Variants in NHEJ1 observed in about 807,000 individuals in gnomAD.
NHEJ1 encodes non-homologous end-joining factor 1.
In NHEJ1, 22 loss-of-function variants were observed where a neutral mutation model predicts 39.4. The ratio of observed to expected loss-of-function variants is 0.56; its 90% CI spans 0.40 to 0.80. The LOEUF is 0.80. Among genes scored for constraint, NHEJ1 ranks in the 30% least tolerant of loss-of-function variants. The pLI is 0.00. For synonymous variants in NHEJ1, 154 were observed against 135.6 expected (o/e 1.14, Z -0.94); for missense variants, 329 against 357.1 (o/e 0.92, Z 0.63).
chr2:219,160,262 G>A (rs1364479567), intron 1 of NHEJ1, among the ~76,000 whole-genome samples: 1 of 152,178 alleles, frequency 6.6e-6, no homozygotes, highest in Non-Finnish European at 1.5e-5. Flanking sequence ...GGCAGTAGAG[G>A]CCCAGAGAGC....
At chr2:219,081,885 G>A (rs979460668) in intron 5 of NHEJ1, among the ~76,000 whole-genome samples, 1 of 152,204 alleles carries the variant, frequency 6.6e-6, no homozygotes, top group Admixed American at 6.5e-5. Flanking sequence ...GTGAAGACAG[G>A]GTATGTGGAT....
intron 3 of NHEJ1, among the ~76,000 whole-genome samples, chr2:219,153,568 G>A (rs11684596): frequency 0.5 from 76,097 of 151,978 alleles, 21,311 homozygotes; most frequent in Non-Finnish European, 0.63. Context: ...GGCCAAGCAC[G>A]GAGGCTTACG....
At position 219,081,709 on chromosome 2, in the gene NHEJ1, T is replaced by C. The variant is rs1328651568; in HGVS notation, c.589-3503A>G. ...ATATGTTGTTTTGTTTTTCAAGTGA[T>C]TTGCTCTAACAGAATTCTCAACAAA... On this transcript the variant is annotated intron_variant, in intron 5 of 7. Coordinates refer to ENST00000356853, the MANE Select transcript of NHEJ1 (RefSeq NM_024782.3). Among the ~76,000 whole-genome samples, 46 of 152,286 alleles carry C rather than the reference T, an allele frequency of 3.0e-4. 1 individual carries two copies. Among genetic ancestry groups the C allele is most frequent in the Admixed American group, 3.0e-3 (46 of 15,300 alleles).
intron 3 of NHEJ1, among the ~76,000 whole-genome samples, chr2:219,155,768 A>T (rs1397356711): frequency 6.7e-6 from 1 of 150,370 alleles, no homozygotes; most frequent in Non-Finnish European, 1.5e-5. Context: ...TAAAAAATAC[A>T]ACAAAAATTA....
At chr2:219,128,664 G>C (rs557924279) in intron 5 of NHEJ1, among the ~76,000 whole-genome samples, 27 of 152,266 alleles carry the variant, frequency 1.8e-4, no homozygotes, top group Middle Eastern at 3.4e-3. Context: ...AACAAGAGCT[G>C]CAAGAAGCCT....
At chr2:219,132,313 G>A (rs992976685) in intron 5 of NHEJ1, among the ~76,000 whole-genome samples, 1 of 152,150 alleles carries the variant, frequency 6.6e-6, no homozygotes, top group Non-Finnish European at 1.5e-5. Flanking sequence ...TTTAGGGGGG[G>A]ATACTCTGCT....
chr2:219,133,071 A>C lies in NHEJ1; in HGVS notation c.588+13609T>G, dbSNP rs1411416882. Among the ~76,000 whole-genome samples, 4 of 152,198 alleles carry C rather than the reference A, an allele frequency of 2.6e-5. No homozygotes were observed. The South Asian group carries it at 6.2e-4, about 24-fold the overall frequency. ...ACTGAATGAAAAAAATTCTTCTGGG[A>C]CCTTCTGGCAATTTCTCCCTTCATA... On this transcript the variant is annotated intron_variant, in intron 5 of 7. Coordinates refer to ENST00000356853, the MANE Select transcript of NHEJ1 (RefSeq NM_024782.3).
At chr2:219,135,564 A>G (rs1373496226) in intron 5 of NHEJ1, among the ~76,000 whole-genome samples, 1 of 152,106 alleles carries the variant, frequency 6.6e-6, no homozygotes, top group Non-Finnish European at 1.5e-5. Context: ...AGCCGAGATC[A>G]CCCCACTGCA....
chr2:219,079,229 G>A (rs1949041587), intron 5 of NHEJ1, among the ~76,000 whole-genome samples: 2 of 152,150 alleles, frequency 1.3e-5, no homozygotes, highest in Non-Finnish European at 2.9e-5. Flanking sequence ...CTTGGAAAGG[G>A]CCCAGAACTA....
At chr2:219,105,893 T>C (rs188870904) in intron 5 of NHEJ1, among the ~76,000 whole-genome samples, 4 of 152,358 alleles carry the variant, frequency 2.6e-5, no homozygotes, top group South Asian at 4.1e-4. Flanking sequence ...TATTTACATG[T>C]CCAATTCTTC....
chr2:219,084,866 G>A (rs79226510), intron 5 of NHEJ1, among the ~76,000 whole-genome samples: 2,934 of 152,230 alleles, frequency 0.019, 110 homozygotes, highest in African/African-American at 0.067. Flanking sequence ...GTATAACAGT[G>A]AAGAGTAAAG....
Position 219,146,533 on chromosome 2 carries a change from C to T in NHEJ1, c.588+147G>A, listed in dbSNP as rs962671304. 3.5e-4 allele frequency: 267 copies of T among 762,600 alleles called. 1 individual carries two copies. Among genetic ancestry groups the T allele is most frequent in the Non-Finnish European group, 5.7e-4 (232 of 410,144 alleles). The allele number at this position is 762,600 out of a possible 1,614,324, so 47.2% of individuals were successfully genotyped here. A position where few individuals can be genotyped will look rare whatever the true frequency, so the allele number is the denominator to read the frequency against. ...CATCTTCCCTAAGTACATCTCAAGC[C>T]TTATCAGACTTTCTATGGGCAACTT... is the stretch of plus-strand genomic sequence containing the variant. On this transcript the variant is annotated intron_variant, in intron 5 of 7. Transcript: ENST00000356853.
chr2:219,150,225 G>C lies in NHEJ1; in HGVS notation c.391-2430C>G, dbSNP rs147936548. Among the ~76,000 whole-genome samples the C allele has an allele frequency of 2.2e-3, 338 of 152,338 alleles. 1 individual carries two copies. The highest frequency in any genetic ancestry group is 7.7e-3 in the African/African-American group (319 of 41,584). ...CATTTCTGCTAGATTAGAAAAGACTGGATGTGGGGAGGTGGGAAGAAAGGA... is the reference window on the plus strand; with the variant it reads ...CATTTCTGCTAGATTAGAAAAGACTCGATGTGGGGAGGTGGGAAGAAAGGA... On this transcript the variant is annotated intron_variant, in intron 3 of 7. Transcript: ENST00000356853.
rs1292532007 is a variant in NHEJ1, at chr2:219,074,535, G to C, written c.*1846C>G. Among the ~76,000 whole-genome samples, 1 of 152,144 alleles carries C rather than the reference G, an allele frequency of 6.6e-6. No individual in the cohort carries two copies. The highest frequency in any genetic ancestry group is 1.5e-5 in the Non-Finnish European group (1 of 68,024). On this transcript the variant is annotated 3_prime_UTR_variant, in exon 8 of 8. Coordinates refer to ENST00000356853, the MANE Select transcript of NHEJ1 (RefSeq NM_024782.3). ...GAGGCAGGTAGATCACCTGAGGTCA[G>C]GAGTTCGAGACCAGCCTAGCCAACA...
At chr2:219,154,402 G>A (rs1949829316) in intron 3 of NHEJ1, among the ~76,000 whole-genome samples, 1 of 152,098 alleles carries the variant, frequency 6.6e-6, no homozygotes, top group African/African-American at 2.4e-5. Flanking sequence ...CTAGGGAACG[G>A]GGTAGAAAGA....
chr2:219,130,030 A>T (rs1574730218), intron 5 of NHEJ1, among the ~76,000 whole-genome samples: 2 of 136,392 alleles, frequency 1.5e-5, no homozygotes, highest in Non-Finnish European at 1.6e-5. Flanking sequence ...CTAATTTTAT[A>T]TGGTATGTCC....
intron 5 of NHEJ1, among the ~76,000 whole-genome samples, chr2:219,080,779 T>C (rs917165232): frequency 1.3e-5 from 2 of 151,844 alleles, no homozygotes; most frequent in Middle Eastern, 3.2e-3. Context: ...TTTCTACTAC[T>C]ATTTCCCTGG....
At chr2:219,080,340 C>T (rs1012631878) in intron 5 of NHEJ1, among the ~76,000 whole-genome samples, 7 of 151,656 alleles carry the variant, frequency 4.6e-5, no homozygotes, top group South Asian at 2.1e-4. Context: ...AACGAGACCA[C>T]GGTGAAACCG....
At chr2:219,131,797 C>T (rs1278574669) in intron 5 of NHEJ1, among the ~76,000 whole-genome samples, 1 of 152,176 alleles carries the variant, frequency 6.6e-6, no homozygotes, top group Non-Finnish European at 1.5e-5. Flanking sequence ...AGAGGCAGTA[C>T]TTGGGGCAGA....
Sources: allele counts gnomAD v4.1 joint callset (sites outside exome capture counted in the v4.1 genomes callset), GRCh38; gene constraint gnomAD v4.1.1; transcripts MANE v1.5; gene names NCBI Gene and HGNC (gene_info 2026-07-23, HGNC 2026-07-21).